RAB3IP: variants seen among roughly 807,000 people sequenced by gnomAD.
RAB3IP encodes rab-3A-interacting protein.
RAB3IP carries 36 observed loss-of-function variants against 59.1 expected under a neutral mutation model. The observed-to-expected ratio is 0.61, with a 90% CI of 0.47 to 0.80. The LOEUF (loss-of-function observed/expected upper bound fraction) is 0.80. Among genes scored for constraint, RAB3IP ranks in the 30% least tolerant of loss-of-function variants. The pLI is 0.00. For synonymous variants in RAB3IP, 207 were observed against 191.2 expected, an observed-to-expected ratio of 1.08 and a Z score of -0.68; for missense variants, 511 against 536.0, an observed-to-expected ratio of 0.95 and a Z score of 0.46.
intron 8 of RAB3IP, among the ~76,000 whole-genome samples, chr12:69,811,004 A>G (rs1880359510): frequency 6.6e-6 from 1 of 152,188 alleles, no homozygotes; most frequent in Non-Finnish European, 1.5e-5. Context: ...ATAGCTTAGA[A>G]ATGAGATCTT....
At chr12:69,740,814 A>G (rs564660424) in intron 1 of RAB3IP, among the ~76,000 whole-genome samples, 2 of 152,368 alleles carry the variant, frequency 1.3e-5, no homozygotes, top group South Asian at 2.1e-4. Context: ...CATTTTTTAA[A>G]TATGGCACGA....
chr12:69,783,677 C>G (rs183547161), intron 3 of RAB3IP, among the ~76,000 whole-genome samples: 1 of 152,192 alleles, frequency 6.6e-6, no homozygotes, highest in African/African-American at 2.4e-5. Context: ...GATTTGCTCT[C>G]CGAGTTTTCT....
At chr12:69,766,112 G>C (rs1872156614) in intron 3 of RAB3IP, among the ~76,000 whole-genome samples, 1 of 152,170 alleles carries the variant, frequency 6.6e-6, no homozygotes, top group Non-Finnish European at 1.5e-5. Context: ...ATTGACCTTG[G>C]ACAGTCTGGT....
Position 69,795,183 on chromosome 12 carries a change from G to A in RAB3IP, c.727G>A (p.Val243Ile), listed in dbSNP as rs769012986. ...QAEVAALKTL[V>I]LSSSPTSPTQ... is the part of the protein sequence containing the mutation. ...TGAAGTAGCTGCATTGAAGACACTT[G>A]TATTGTCCAGTTCTCCAACATCACC... Residue 243 changes from valine (V) to isoleucine (I), a missense_variant, in exon 6 of 11, where the codon GTA becomes ATA. Transcript: ENST00000247833. The A allele has an allele frequency of 1.9e-6, 3 of 1,613,930 alleles. No individual in the cohort carries two copies. The African/African-American group carries it at 4.0e-5, about 22-fold the overall frequency.
At position 69,756,435 on chromosome 12, in the gene RAB3IP, T is replaced by C. The variant is rs375304446; in HGVS notation, c.282T>C (p.Ser94=). Residue 94 remains serine (S), a synonymous_variant, in exon 3 of 11, where the codon TCT becomes TCC. Coordinates refer to ENST00000247833, the MANE Select transcript of RAB3IP (RefSeq NM_022456.5). ...SFHVTDPAPC[S]TSGVTAGLTK... The stretch of plus-strand genomic sequence containing the variant: ...ATGTTACAGACCCAGCCCCTTGCTC[T>C]ACCTCTGGAGTCACAGCTGGATTAA... 6.8e-6 allele frequency: 11 copies of C among 1,614,002 alleles called. No homozygotes were observed. Among genetic ancestry groups the C allele is most frequent in the Non-Finnish European group, 9.3e-6 (11 of 1,179,960 alleles).
At chr12:69,747,418 C>T (rs1216651671) in intron 1 of RAB3IP, among the ~76,000 whole-genome samples, 3 of 151,958 alleles carry the variant, frequency 2.0e-5, no homozygotes, top group Non-Finnish European at 4.4e-5. Context: ...CTCAACCTTC[C>T]TGGCTCAGGA....
intron 10 of RAB3IP, among the ~76,000 whole-genome samples, chr12:69,813,711 G>A (rs1262482706): frequency 1.3e-5 from 2 of 151,802 alleles, no homozygotes; most frequent in Non-Finnish European, 2.9e-5. Flanking sequence ...AAAAAAAATA[G>A]CAGATACTAG....
intron 8 of RAB3IP, chr12:69,811,953 G>T (rs1201472636): frequency 1.3e-5 from 2 of 152,196 alleles, no homozygotes. Flanking sequence ...TTGATGGGGA[G>T]TGATAGTTGT....
At chr12:69,801,275 G>T (rs1401747232) in intron 7 of RAB3IP, among the ~76,000 whole-genome samples, 1 of 152,142 alleles carries the variant, frequency 6.6e-6, no homozygotes, top group Non-Finnish European at 1.5e-5. Context: ...TATATATTTA[G>T]CAGAATAAAG....
chr12:69,822,126 G>A lies in RAB3IP; in HGVS notation c.*6680G>A, dbSNP rs747548606. 6.6e-6 allele frequency: 1 copy of A among 152,108 alleles called. No individual in the cohort carries two copies. Among genetic ancestry groups the A allele is most frequent in the Non-Finnish European group, 1.5e-5 (1 of 68,030 alleles). The allele number at this position is 152,108 out of a possible 1,614,324, so 9.4% of individuals were successfully genotyped here. On this transcript the variant is annotated 3_prime_UTR_variant, in exon 11 of 11. Coordinates refer to ENST00000247833, the MANE Select transcript of RAB3IP (RefSeq NM_022456.5). ...GAGACTTGGCTGGGAGCTTCTCTTG[G>A]AGTCTAGGGTTAGCCAGAGGCTACA...
intron 3 of RAB3IP, among the ~76,000 whole-genome samples, chr12:69,781,896 T>G (rs1158784784): frequency 6.6e-6 from 1 of 152,220 alleles, no homozygotes; most frequent in Non-Finnish European, 1.5e-5. Flanking sequence ...CCAACAAGTG[T>G]GATCGCTGGA....
chr12:69,758,756 CTT>C (rs71437121), intron 3 of RAB3IP, among the ~76,000 whole-genome samples: 3,275 of 48,238 alleles, frequency 0.068, 58 homozygotes, highest in Middle Eastern at 0.1. Context: ...GTGTTCATTC[CTT>C]TTTTTTTTTT....
At chr12:69,804,244 G>T (rs1301567525) in intron 8 of RAB3IP, among the ~76,000 whole-genome samples, 4 of 152,184 alleles carry the variant, frequency 2.6e-5, no homozygotes, top group Admixed American at 2.6e-4. Context: ...TTTCTCTGAT[G>T]GCCAGTGATG....
intron 1 of RAB3IP, among the ~76,000 whole-genome samples, chr12:69,742,234 T>G (rs570822495): frequency 3.3e-4 from 51 of 152,326 alleles, no homozygotes; most frequent in African/African-American, 1.1e-3. Context: ...GGGAGTACGC[T>G]TTTTCACACT....
intron 3 of RAB3IP, among the ~76,000 whole-genome samples, chr12:69,762,486 A>G (rs1192823084): frequency 6.6e-6 from 1 of 152,206 alleles, no homozygotes. Flanking sequence ...AGCTGGGCGA[A>G]GTGGCTCACG....
At chr12:69,745,843 G>A (rs1326223665) in intron 1 of RAB3IP, among the ~76,000 whole-genome samples, 3 of 152,154 alleles carry the variant, frequency 2.0e-5, no homozygotes, top group Admixed American at 2.0e-4. Flanking sequence ...CAGCTTCTAA[G>A]TGTATCTCAG....
At chr12:69,805,157 C>A (rs1191585406) in intron 8 of RAB3IP, among the ~76,000 whole-genome samples, 4 of 152,118 alleles carry the variant, frequency 2.6e-5, no homozygotes, top group Non-Finnish European at 4.4e-5. Flanking sequence ...TTGTTTGTAT[C>A]CTCTTTTATT....
chr12:69,801,756 T>C, intron 8 of RAB3IP, 35 bp downstream of exon 8: 1 of 1,309,920 alleles, frequency 7.6e-7, no homozygotes, highest in South Asian at 1.2e-5. Flanking sequence ...TGAAAGTGAC[T>C]GAGTTTTTGA....
intron 4 of RAB3IP, among the ~76,000 whole-genome samples, chr12:69,790,247 T>TA (rs1876384455): frequency 6.6e-6 from 1 of 152,200 alleles, no homozygotes; most frequent in South Asian, 2.1e-4. Flanking sequence ...ATGATGTTTT[T>TA]ATACATGGAC....
Sources: gnomAD v4.1 joint callset for allele counts (sites outside exome capture counted in the v4.1 genomes callset) on GRCh38, gnomAD v4.1.1 for gene constraint, MANE v1.5 for transcripts, NCBI Gene and HGNC (gene_info 2026-07-23, HGNC 2026-07-21) for gene names.